The following COL14A1 variants were observed in gnomAD, a reference collection of about 807,000 sequenced individuals.
The protein encoded by COL14A1 is collagen type XIV alpha 1 chain, also known as collagen alpha-1(XIV) chain.
In COL14A1, 136 loss-of-function variants were observed where a neutral mutation model predicts 230.3. The observed-to-expected ratio is 0.59, with a 90% CI of 0.51 to 0.68. The LOEUF is 0.68. COL14A1 is among the 30% of genes least tolerant of loss of function. COL14A1 has a pLI of 0.00. For missense variants in COL14A1, 1,976 were observed against 2,215.8 expected (o/e 0.89, Z 2.17); for synonymous variants, 792 against 784.1 (o/e 1.01, Z -0.17).
chr8:120,175,267 G>A (rs1586738959), intron 5 of COL14A1, among the ~76,000 whole-genome samples: 2 of 152,256 alleles, frequency 1.3e-5, no homozygotes, highest in African/African-American at 2.4e-5. Context: ...TGCATTAATG[G>A]CTATTTCTCT....
At chr8:120,209,045 G>A (rs1364204817) in intron 11 of COL14A1, among the ~76,000 whole-genome samples, 1 of 152,120 alleles carries the variant, frequency 6.6e-6, no homozygotes, top group Non-Finnish European at 1.5e-5. Context: ...AATGCGCCAG[G>A]CACTGTGATC....
At chr8:120,360,098 C>A (rs1411607303) in intron 45 of COL14A1, among the ~76,000 whole-genome samples, 2 of 152,156 alleles carry the variant, frequency 1.3e-5, no homozygotes, top group African/African-American at 4.8e-5. Context: ...TTCCTTTGAC[C>A]ATTGAGTGGC....
chr8:120,281,892 G>C (rs1049480060), intron 31 of COL14A1, among the ~76,000 whole-genome samples: 6 of 152,198 alleles, frequency 3.9e-5, no homozygotes, highest in African/African-American at 1.4e-4. Flanking sequence ...AAGTTGAAGA[G>C]TAGTAATCAG....
chr8:120,355,475 G>A (rs528314800), intron 45 of COL14A1, among the ~76,000 whole-genome samples: 160 of 149,588 alleles, frequency 1.1e-3, no homozygotes, highest in Non-Finnish European at 2.0e-3. Context: ...GTGTGATCTC[G>A]GATCTTGGCT....
At chr8:120,247,075 A>G (rs1347708377) in intron 20 of COL14A1, among the ~76,000 whole-genome samples, 1 of 152,196 alleles carries the variant, frequency 6.6e-6, no homozygotes, top group African/African-American at 2.4e-5. Context: ...ACAATGAAAG[A>G]CTTCTACATT....
chr8:120,296,135 A>G (rs1820523139), intron 34 of COL14A1, among the ~76,000 whole-genome samples: 1 of 151,828 alleles, frequency 6.6e-6, no homozygotes, highest in Non-Finnish European at 1.5e-5. Context: ...AGTCTCAGTT[A>G]TCATACTCTT....
Position 120,243,970 on chromosome 8 carries a change from A to G in COL14A1, c.2441A>G (p.Asp814Gly), listed in dbSNP as rs777407435. The G allele has an allele frequency of 5.0e-6, 8 of 1,613,538 alleles. No individual in the cohort carries two copies. Among genetic ancestry groups the G allele is most frequent in the Admixed American group, 3.3e-5 (2 of 59,988 alleles). ...GTCACAGTGACTCCCATCTACACGG[A>G]TGGCGAAGGCGTCAGCGTCTCCGCT... ...YKVTVTPIYT[D>G]GEGVSVSAPG... Residue 814 changes from aspartate (D) to glycine (G), a missense_variant, in exon 20 of 48, where the codon GAT becomes GGT. Coordinates refer to ENST00000297848, the MANE Select transcript of COL14A1 (RefSeq NM_021110.4).
At chr8:120,181,006 G>A (rs1252219390) in intron 5 of COL14A1, among the ~76,000 whole-genome samples, 3 of 152,092 alleles carry the variant, frequency 2.0e-5, no homozygotes, top group African/African-American at 7.2e-5. Flanking sequence ...TGCATGGTGG[G>A]CTATGAAGCC....
Position 120,267,736 on chromosome 8 carries a change from G to A in COL14A1, c.3073+853G>A, listed in dbSNP as rs78589123. ...CAAGAAAGAGAAAAGAATGACAGTA[G>A]AGTTATGGAGTGGTTAATGTGACAA... On this transcript the variant is annotated intron_variant, in intron 25 of 47. Coordinates refer to ENST00000297848, the MANE Select transcript of COL14A1 (RefSeq NM_021110.4). Among the ~76,000 whole-genome samples, 704 of 151,952 alleles carry A rather than the reference G, an allele frequency of 4.6e-3. 2 individuals are homozygous for A. Among genetic ancestry groups the A allele is most frequent in the East Asian group, 7.4e-3 (38 of 5,170 alleles).
Position 120,218,298 on chromosome 8 carries a change from A to G in COL14A1, c.1737+1808A>G, listed in dbSNP as rs921422106. 2.1e-5 allele frequency among the ~76,000 whole-genome samples: 3 copies of G among 144,876 alleles called. No individual in the cohort carries two copies. The South Asian group carries it at 6.3e-4, about 30-fold the overall frequency. ...ATATATAAATAGATATATAATATAT[A>G]TAATATATATCATATATATATACAT... On this transcript the variant is annotated intron_variant, in intron 14 of 47. Coordinates refer to ENST00000297848, the MANE Select transcript of COL14A1 (RefSeq NM_021110.4).
intron 14 of COL14A1, among the ~76,000 whole-genome samples, chr8:120,224,703 C>T (rs1818040763): frequency 1.3e-5 from 2 of 152,192 alleles, no homozygotes; most frequent in Non-Finnish European, 2.9e-5. Flanking sequence ...CATTGCTCAC[C>T]TGTACAACTC....
chr8:120,341,327 T>G lies in COL14A1; in HGVS notation c.4788T>G (p.Gly1596=). The G allele has an allele frequency of 6.2e-7, 1 of 1,614,176 alleles. No homozygotes were observed. Among genetic ancestry groups the G allele is most frequent in the Non-Finnish European group, 8.5e-7 (1 of 1,180,012 alleles). ...TTGACAATTTTCCATTTATACAGGG[T>G]GTCCCTGGAGCAAAGGGGGAACGAG... ...MGPQGALGPP[G]VPGAKGERGE... is the part of the protein sequence containing the mutation. The change falls in exon 43 of 48, where the codon GGT becomes GGG. Residue 1596 remains glycine (G), a splice_region_variant and synonymous_variant. Transcript: ENST00000297848.
chr8:120,295,492 T>C (rs181520735), intron 34 of COL14A1, among the ~76,000 whole-genome samples: 243 of 151,980 alleles, frequency 1.6e-3, no homozygotes, highest in Non-Finnish European at 2.4e-3. Flanking sequence ...TGCCTGGCAT[T>C]CATTTCTGCA....
At chr8:120,332,294 T>C (rs1471281561) in intron 41 of COL14A1, 100 bp downstream of exon 41, 2 of 1,145,386 alleles carry the variant, frequency 1.7e-6, no homozygotes, top group African/African-American at 3.1e-5. Flanking sequence ...GCAGCCGTCT[T>C]CACTATAGTG....
chr8:120,265,299 G>A (rs979875256), intron 24 of COL14A1, among the ~76,000 whole-genome samples: 15 of 152,156 alleles, frequency 9.9e-5, no homozygotes, highest in African/African-American at 3.4e-4. Context: ...TGTTAAAGAA[G>A]ATGCACAATT....
chr8:120,219,384 G>C (rs772975036), intron 14 of COL14A1, among the ~76,000 whole-genome samples: 8 of 152,204 alleles, frequency 5.3e-5, no homozygotes, highest in Non-Finnish European at 1.0e-4. Flanking sequence ...AATTATAGGA[G>C]TGAGGCACTG....
chr8:120,285,520 T>C (rs1032333188), intron 32 of COL14A1, among the ~76,000 whole-genome samples: 2 of 150,890 alleles, frequency 1.3e-5, no homozygotes, highest in Admixed American at 6.6e-5. Context: ...TTCTTTAAGA[T>C]TTGATAAACT....
chr8:120,262,810 G>T, intron 23 of COL14A1, 58 bp from the exon 24 acceptor site: 2 of 1,541,292 alleles, frequency 1.3e-6, no homozygotes, highest in Non-Finnish European at 1.8e-6. Context: ...TCTGCCAATG[G>T]CTGTGTTTCA....
chr8:120,196,146 A>G (rs1817030600), intron 5 of COL14A1, among the ~76,000 whole-genome samples: 1 of 152,186 alleles, frequency 6.6e-6, no homozygotes, highest in African/African-American at 2.4e-5. Context: ...AAAATCAATT[A>G]TTTACATGAT....
Sources: gnomAD v4.1 joint callset for allele counts (sites outside exome capture counted in the v4.1 genomes callset) on GRCh38, gnomAD v4.1.1 for gene constraint, MANE v1.5 for transcripts, NCBI Gene and HGNC (gene_info 2026-07-23, HGNC 2026-07-21) for gene names.